Variants in RGS7 observed in about 807,000 individuals in gnomAD.
The protein encoded by RGS7 is regulator of G-protein signaling 7.
In RGS7, 27 loss-of-function variants were observed where a neutral mutation model predicts 81.1. That is an observed-to-expected ratio of 0.33 (90% CI 0.25 to 0.46). The LOEUF (loss-of-function observed/expected upper bound fraction) is 0.46, where lower values mean the gene tolerates loss of function less well. Among genes scored for constraint, RGS7 ranks in the 20% least tolerant of loss-of-function variants. RGS7 has a pLI of 1.00. For synonymous variants in RGS7, 208 were observed against 207.7 expected, an observed-to-expected ratio of 1.00 and a Z score of -0.01; for missense variants, 396 against 607.4, an observed-to-expected ratio of 0.65 and a Z score of 3.66.
chr1:241,046,247 G>A (rs2060918741), intron 3 of RGS7, among the ~76,000 whole-genome samples: 1 of 152,084 alleles, frequency 6.6e-6, no homozygotes, highest in Non-Finnish European at 1.5e-5. Context: ...GGGTACAAAT[G>A]ATCCCATCAA....
At chr1:240,908,203 TGGGGGGA>T (rs1671155056) in intron 6 of RGS7, among the ~76,000 whole-genome samples, 1 of 41,054 alleles carries the variant, frequency 2.4e-5, no homozygotes, top group Admixed American at 3.5e-4. Flanking sequence ...TGTCGTGGGG[TGGGGGGA>T]GGGGGGAGGG....
chr1:241,081,108 C>A (rs1572596299), intron 3 of RGS7, among the ~76,000 whole-genome samples: 1 of 152,254 alleles, frequency 6.6e-6, no homozygotes, highest in Non-Finnish European at 1.5e-5. Context: ...CTTTAATGGG[C>A]CTTAACTGTT....
At chr1:241,064,616 C>T (rs1291460993) in intron 3 of RGS7, among the ~76,000 whole-genome samples, 1 of 151,894 alleles carries the variant, frequency 6.6e-6, no homozygotes, top group Non-Finnish European at 1.5e-5. Flanking sequence ...AAACATTTGG[C>T]CAGGTGAGGT....
chr1:241,096,421 G>C (rs1461101113), intron 3 of RGS7, among the ~76,000 whole-genome samples: 1 of 152,014 alleles, frequency 6.6e-6, no homozygotes, highest in Non-Finnish European at 1.5e-5. Context: ...CATAATACTA[G>C]ATATACCAAC....
At chr1:241,162,169 A>G (rs12087781) in intron 2 of RGS7, among the ~76,000 whole-genome samples, 34,336 of 151,292 alleles carry the variant, frequency 0.23, 4,287 homozygotes, top group African/African-American at 0.35. Flanking sequence ...TGCAGCTGGT[A>G]CCAAAGAAAG....
chr1:241,108,105 G>A (rs937044492), intron 2 of RGS7, among the ~76,000 whole-genome samples: 2 of 41,340 alleles, frequency 4.8e-5, no homozygotes, highest in African/African-American at 1.3e-3. Flanking sequence ...CCAACATGGT[G>A]AAAGCTTGGC....
At chr1:241,069,252 G>C (rs1010050427) in intron 3 of RGS7, among the ~76,000 whole-genome samples, 1 of 152,202 alleles carries the variant, frequency 6.6e-6, no homozygotes, top group East Asian at 1.9e-4. Flanking sequence ...TTTCAAACCA[G>C]TAGTGTATTT....
chr1:241,094,609 CAAAACA>C (rs3078666), intron 3 of RGS7, among the ~76,000 whole-genome samples: 23 of 151,772 alleles, frequency 1.5e-4, no homozygotes, highest in Admixed American at 3.9e-4. Context: ...ACTCTAAAAC[CAAAACA>C]AAAACAAAAA....
At chr1:241,001,717 C>T (rs1442737958) in intron 3 of RGS7, among the ~76,000 whole-genome samples, 7 of 152,132 alleles carry the variant, frequency 4.6e-5, no homozygotes, top group Middle Eastern at 3.4e-3. Context: ...TCCAACAATG[C>T]GACTTTGTGG....
chr1:241,307,556 C>G (rs2080251308), intron 2 of RGS7, among the ~76,000 whole-genome samples: 1 of 152,052 alleles, frequency 6.6e-6, no homozygotes, highest in South Asian at 2.1e-4. Flanking sequence ...CACAGGTATC[C>G]TTTAGAAAAT....
intron 2 of RGS7, among the ~76,000 whole-genome samples, chr1:241,247,559 G>A (rs761012367): frequency 1.4e-4 from 22 of 152,054 alleles, no homozygotes; most frequent in Admixed American, 9.8e-4. Flanking sequence ...AACTAGCCAC[G>A]GAGGGTCAAA....
At chr1:240,927,769 C>A (rs548612151) in intron 6 of RGS7, among the ~76,000 whole-genome samples, 1 of 151,984 alleles carries the variant, frequency 6.6e-6, no homozygotes, top group African/African-American at 2.4e-5. Context: ...CTAAGCACAA[C>A]CAATAATATG....
At position 240,806,329 on chromosome 1, in the gene RGS7, A is replaced by G. The variant is rs1267860921; in HGVS notation, c.1083-3T>C. 1.2e-6 allele frequency: 2 copies of G among 1,613,632 alleles called. No homozygotes were observed. The highest frequency in any genetic ancestry group is 1.7e-6 in the Non-Finnish European group (2 of 1,179,754). On this transcript the variant is annotated splice_region_variant and splice_polypyrimidine_tract_variant and intron_variant, in intron 14 of 18. Transcript: ENST00000440928. ...GGTCCTCCACTGCCAGCCAGAATCTATGCAGAATGTGAGATCGGGTGTTTA... is the reference window on the plus strand; with the variant it reads ...GGTCCTCCACTGCCAGCCAGAATCTGTGCAGAATGTGAGATCGGGTGTTTA...
At chr1:241,200,812 C>T (rs1485514376) in intron 2 of RGS7, among the ~76,000 whole-genome samples, 1 of 152,168 alleles carries the variant, frequency 6.6e-6, no homozygotes, top group Non-Finnish European at 1.5e-5. Context: ...CTGCCCCCAA[C>T]TCTCCTCAGT....
chr1:240,921,869 T>C (rs1673603740), intron 6 of RGS7, among the ~76,000 whole-genome samples: 1 of 152,074 alleles, frequency 6.6e-6, no homozygotes, highest in Non-Finnish European at 1.5e-5. Flanking sequence ...ATATAAATCC[T>C]AGCATACTTT....
intron 3 of RGS7, among the ~76,000 whole-genome samples, chr1:241,056,864 T>C (rs1248264774): frequency 2.0e-5 from 3 of 152,214 alleles, no homozygotes; most frequent in Non-Finnish European, 4.4e-5. Flanking sequence ...AACATGTACA[T>C]AAATAAAGCC....
intron 3 of RGS7, among the ~76,000 whole-genome samples, chr1:241,092,751 A>G (rs986074120): frequency 3.3e-5 from 5 of 152,216 alleles, no homozygotes; most frequent in Middle Eastern, 3.4e-3. Flanking sequence ...CAAAGCAGAC[A>G]CTTCTCAGAT....
chr1:240,996,972 T>C (rs1225180747), intron 3 of RGS7, among the ~76,000 whole-genome samples: 2 of 152,112 alleles, frequency 1.3e-5, no homozygotes, highest in African/African-American at 4.8e-5. Context: ...TGCTTGTTTT[T>C]ACAGTCTTGC....
intron 10 of RGS7, among the ~76,000 whole-genome samples, chr1:240,823,619 T>C (rs1025130921): frequency 2.0e-5 from 3 of 152,188 alleles, no homozygotes; most frequent in Non-Finnish European, 4.4e-5. Flanking sequence ...GGTGGGTCCC[T>C]GAGGCAACCA....
Sources: allele counts gnomAD v4.1 joint callset (sites outside exome capture counted in the v4.1 genomes callset), GRCh38; gene constraint gnomAD v4.1.1; transcripts MANE v1.5; gene names NCBI Gene and HGNC (gene_info 2026-07-23, HGNC 2026-07-21).